Variants in RALGPS1 observed in about 807,000 individuals in gnomAD.
The protein encoded by RALGPS1 is Ral GEF with PH domain and SH3 binding motif 1.
A neutral mutation model predicts 78.8 loss-of-function variants in RALGPS1; 19 were observed. The ratio of observed to expected loss-of-function variants is 0.24; its 90% CI spans 0.17 to 0.35. The LOEUF is 0.35. RALGPS1 is among the 10% of genes least tolerant of loss of function. RALGPS1 has a pLI of 1.00. For missense variants in RALGPS1, 454 were observed against 688.3 expected (o/e 0.66, Z 3.81); for synonymous variants, 228 against 256.3 (o/e 0.89, Z 1.06).
At chr9:126,974,884 C>T (rs998819520) in intron 3 of RALGPS1, among the ~76,000 whole-genome samples, 6 of 151,354 alleles carry the variant, frequency 4.0e-5, no homozygotes, top group East Asian at 1.9e-4. Flanking sequence ...AGGGACAGGG[C>T]GCTGAGATGG....
At chr9:126,939,956 G>T (rs553758483) in intron 1 of RALGPS1, among the ~76,000 whole-genome samples, 1 of 152,212 alleles carries the variant, frequency 6.6e-6, no homozygotes, top group Non-Finnish European at 1.5e-5. Flanking sequence ...TAAGGGATAC[G>T]TTTCATTCGC....
At chr9:127,200,393 G>C (rs540461516) in intron 14 of RALGPS1, among the ~76,000 whole-genome samples, 1 of 152,202 alleles carries the variant, frequency 6.6e-6, no homozygotes, top group East Asian at 1.9e-4. Context: ...TAGTGTCCCC[G>C]TTTTATACAT....
intron 8 of RALGPS1, among the ~76,000 whole-genome samples, chr9:127,098,379 G>C (rs1048865914): frequency 3.3e-5 from 5 of 152,196 alleles, no homozygotes; most frequent in Non-Finnish European, 7.3e-5. Flanking sequence ...CCTGGGCTCA[G>C]AGTGGAGCGA....
At chr9:126,996,358 T>C (rs562433917) in intron 4 of RALGPS1, among the ~76,000 whole-genome samples, 38 of 152,220 alleles carry the variant, frequency 2.5e-4, no homozygotes, top group African/African-American at 8.9e-4. Flanking sequence ...ATATCACCAC[T>C]GATCCCACAG....
intron 8 of RALGPS1, among the ~76,000 whole-genome samples, chr9:127,125,015 C>T (rs542130188): frequency 2.1e-4 from 32 of 152,182 alleles, no homozygotes; most frequent in African/African-American, 7.0e-4. Context: ...CCACTGGTGG[C>T]ATTGGGCAGT....
chr9:127,064,472 C>G (rs1033667290), intron 7 of RALGPS1, among the ~76,000 whole-genome samples: 11 of 152,202 alleles, frequency 7.2e-5, no homozygotes, highest in Admixed American at 7.2e-4. Context: ...TTTTAAAAAT[C>G]ACTAAGTACT....
intron 4 of RALGPS1, among the ~76,000 whole-genome samples, chr9:127,005,849 G>T (rs1253685735): frequency 6.6e-6 from 1 of 152,174 alleles, no homozygotes; most frequent in African/African-American, 2.4e-5. Flanking sequence ...TAGCCACTCT[G>T]CCTTCTACAA....
At chr9:127,057,746 C>A (rs1589247600) in intron 7 of RALGPS1, among the ~76,000 whole-genome samples, 1 of 152,346 alleles carries the variant, frequency 6.6e-6, no homozygotes, top group East Asian at 1.9e-4. Flanking sequence ...TTCTGCAAAT[C>A]AAACATTTCT....
At chr9:127,172,379 A>G (rs1441979918) in intron 10 of RALGPS1, among the ~76,000 whole-genome samples, 4 of 152,116 alleles carry the variant, frequency 2.6e-5, no homozygotes, top group Admixed American at 1.3e-4. Context: ...AGAATTCCTT[A>G]AAGTTCAAAA....
At chr9:127,131,191 G>C (rs1198779397) in intron 8 of RALGPS1, among the ~76,000 whole-genome samples, 1 of 152,174 alleles carries the variant, frequency 6.6e-6, no homozygotes, top group Admixed American at 6.5e-5. Context: ...TTTCCTAGCA[G>C]CCTCTCATCC....
intron 8 of RALGPS1, among the ~76,000 whole-genome samples, chr9:127,095,457 C>G (rs950602794): frequency 6.6e-6 from 1 of 152,222 alleles, no homozygotes; most frequent in African/African-American, 2.4e-5. Context: ...GACAAAAGTG[C>G]TAAGAAAGTA....
intron 4 of RALGPS1, among the ~76,000 whole-genome samples, chr9:126,987,604 C>G (rs1414890788): frequency 6.6e-6 from 1 of 152,118 alleles, no homozygotes; most frequent in Non-Finnish European, 1.5e-5. Flanking sequence ...CGGTGGGCCT[C>G]AGTGTGATAG....
chr9:126,986,023 C>T (rs1008005861), intron 4 of RALGPS1, among the ~76,000 whole-genome samples: 15 of 152,200 alleles, frequency 9.9e-5, no homozygotes, highest in Non-Finnish European at 1.5e-4. Context: ...AACCACTTCC[C>T]GCAAAGCAAG....
intron 7 of RALGPS1, among the ~76,000 whole-genome samples, chr9:127,055,024 AG>A (rs1223057219): frequency 9.9e-6 from 1 of 101,184 alleles, no homozygotes; most frequent in Non-Finnish European, 2.5e-5. Flanking sequence ...AGAGAGAGAG[AG>A]AGAGAGAGAG....
At chr9:127,167,393 G>A (rs894306147) in intron 9 of RALGPS1, among the ~76,000 whole-genome samples, 2 of 152,224 alleles carry the variant, frequency 1.3e-5, no homozygotes, top group South Asian at 2.1e-4. Flanking sequence ...GATACTTGTT[G>A]TTCCATTGGC....
chr9:126,914,848 C>A lies in RALGPS1; in HGVS notation c.-193C>A, dbSNP rs967030491. The A allele has an allele frequency of 6.6e-6, 1 of 152,244 alleles. No individual in the cohort carries two copies. The highest frequency in any genetic ancestry group is 1.5e-5 in the Non-Finnish European group (1 of 68,098). The allele number at this position is 152,244 out of a possible 1,614,324, so 9.4% of individuals were successfully genotyped here. On this transcript the variant is annotated 5_prime_UTR_variant, in exon 1 of 19. Coordinates refer to ENST00000259351, the MANE Select transcript of RALGPS1 (RefSeq NM_014636.3). ...CTCCGCTCCCGCGTCTGCCCGCGCT[C>A]CAGCTGCGCCTGGCCCGGCCCCGGC...
At chr9:127,189,801 C>T (rs2060923507) in intron 11 of RALGPS1, among the ~76,000 whole-genome samples, 1 of 151,954 alleles carries the variant, frequency 6.6e-6, no homozygotes, top group Non-Finnish European at 1.5e-5. Context: ...CCTAACCCAG[C>T]GAGGGGCCAG....
At chr9:127,203,156 A>G (rs2061735104) in intron 14 of RALGPS1, among the ~76,000 whole-genome samples, 1 of 152,226 alleles carries the variant, frequency 6.6e-6, no homozygotes, top group African/African-American at 2.4e-5. Context: ...AAAGATGAAC[A>G]AAGTGGATTG....
At chr9:127,162,402 A>G (rs2059072146) in intron 8 of RALGPS1, among the ~76,000 whole-genome samples, 2 of 152,240 alleles carry the variant, frequency 1.3e-5, no homozygotes, top group South Asian at 4.1e-4. Context: ...GCTTATACAT[A>G]TCTCTGTTGT....
Sources: gnomAD v4.1 joint callset for allele counts (sites outside exome capture counted in the v4.1 genomes callset) on GRCh38, gnomAD v4.1.1 for gene constraint, MANE v1.5 for transcripts, NCBI Gene and HGNC (gene_info 2026-07-23, HGNC 2026-07-21) for gene names.